Variants in DNAH14 observed in about 807,000 individuals in gnomAD.
The protein encoded by DNAH14 is dynein axonemal heavy chain 14.
In DNAH14, 478 loss-of-function variants were observed where a neutral mutation model predicts 520.9. That is an observed-to-expected ratio of 0.92 (90% confidence interval 0.85 to 0.99). DNAH14 has a LOEUF of 0.99. Among genes scored for constraint, DNAH14 ranks in the 50% least tolerant of loss-of-function variants. The probability of loss-of-function intolerance (pLI) is 0.00; values close to 1 mark genes in which losing one functional copy is unlikely to be tolerated. For synonymous variants in DNAH14, 1,581 were observed against 1,757.2 expected (o/e 0.90, Z 2.51); for missense variants, 4,831 against 5,234.5 (o/e 0.92, Z 2.38).
At chr1:225,236,470 A>G (rs1341026016) in intron 42 of DNAH14, among the ~76,000 whole-genome samples, 1 of 152,174 alleles carries the variant, frequency 6.6e-6, no homozygotes, top group African/African-American at 2.4e-5. Context: ...AGTAAGCACC[A>G]TGTGGTAATG....
intron 44 of DNAH14, among the ~76,000 whole-genome samples, chr1:225,256,197 T>A (rs777631934): frequency 1.2e-4 from 19 of 152,266 alleles, no homozygotes; most frequent in Non-Finnish European, 2.1e-4. Context: ...TACAAAACAA[T>A]GTGTAAAAAT....
At chr1:225,335,946 T>G (rs1393354126) in intron 66 of DNAH14, among the ~76,000 whole-genome samples, 1 of 120,562 alleles carries the variant, frequency 8.3e-6, no homozygotes, top group Non-Finnish European at 1.9e-5. Flanking sequence ...TATACATATA[T>G]GTATATATAC....
rs968634872 is a variant in DNAH14 at position 225,258,101 on chromosome 1, G to A, written c.7007G>A (p.Cys2336Tyr). 1 of 1,532,096 alleles carries A rather than the reference G, an allele frequency of 6.5e-7. No individual in the cohort carries two copies. The highest frequency in any genetic ancestry group is 8.8e-7 in the Non-Finnish European group (1 of 1,141,448). The allele number at this position is 1,532,096 out of a possible 1,614,324, so 94.9% of individuals were successfully genotyped here. ...ATGAGCCTTCTTTTAAAGAATTCCT[G>A]CCCTGTACTTCTCACAGGTATTACA... The part of the protein sequence containing the change: ...FLMSLLLKNS[C>Y]PVLLTGESGV... The change falls in exon 45 of 86, where the codon TGC becomes TAC. Residue 2336 changes from cysteine (C) to tyrosine (Y), a missense_variant. Physicochemically the swap from Cys to Tyr is radical, Grantham distance 194. Transcript: ENST00000682510.
chr1:225,342,396 G>A (rs1275757138), intron 69 of DNAH14, among the ~76,000 whole-genome samples: 2 of 151,990 alleles, frequency 1.3e-5, no homozygotes, highest in East Asian at 3.9e-4. Flanking sequence ...GAAAGTGGAA[G>A]GAAACCTGAG....
At chr1:225,266,807 T>C in intron 49 of DNAH14, 38 bp downstream of exon 49, 1 of 1,433,268 alleles carries the variant, frequency 7.0e-7, no homozygotes. Context: ...CATTAAGTAT[T>C]ATTTCTCACA....
rs182002348 is a variant in DNAH14, at chr1:225,056,276, C to G, written c.2424+4481C>G. Among the ~76,000 whole-genome samples, 178 of 152,322 alleles carry G rather than the reference C, an allele frequency of 1.2e-3. 1 individual carries two copies. The highest frequency in any genetic ancestry group is 1.4e-3 in the Non-Finnish European group (95 of 68,040). Reference sequence around the variant, plus strand: ...CATTGTGGTTTAGATTTGCATTTCTCTGAAGGCCAGTGATGATGAGCATTT... The same window carrying G: ...CATTGTGGTTTAGATTTGCATTTCTGTGAAGGCCAGTGATGATGAGCATTT... On this transcript the variant is annotated intron_variant, in intron 17 of 85. Coordinates refer to ENST00000682510, the MANE Select transcript of DNAH14 (RefSeq NM_001367479.1).
intron 23 of DNAH14, among the ~76,000 whole-genome samples, chr1:225,115,991 A>G (rs140139968): frequency 1.1e-3 from 165 of 152,354 alleles, no homozygotes; most frequent in Non-Finnish European, 1.8e-3. Context: ...CCTGTAGGCA[A>G]TGATAACTGG....
At chr1:225,162,973 C>A (rs991489921) in intron 35 of DNAH14, among the ~76,000 whole-genome samples, 1 of 151,438 alleles carries the variant, frequency 6.6e-6, no homozygotes, top group Non-Finnish European at 1.5e-5. Flanking sequence ...CTTGTCTATA[C>A]TAAAAATACA....
intron 23 of DNAH14, among the ~76,000 whole-genome samples, chr1:225,106,580 T>C (rs2076067457): frequency 6.6e-6 from 1 of 152,208 alleles, no homozygotes; most frequent in Non-Finnish European, 1.5e-5. Flanking sequence ...TTGTCGTTTC[T>C]TTTTATTCTT....
At chr1:224,953,567 A>G (rs1280530392) in intron 2 of DNAH14, among the ~76,000 whole-genome samples, 1 of 152,208 alleles carries the variant, frequency 6.6e-6, no homozygotes, top group Non-Finnish European at 1.5e-5. Flanking sequence ...TAAAGCTATC[A>G]TAACTAAGAA....
At chr1:225,294,935 A>G (rs2150028868) in intron 55 of DNAH14, among the ~76,000 whole-genome samples, 1 of 151,766 alleles carries the variant, frequency 6.6e-6, no homozygotes, top group East Asian at 1.9e-4. Context: ...TTACTGATCA[A>G]TCTTGTTACT....
At chr1:225,303,463 C>A in intron 57 of DNAH14, 116 bp downstream of exon 57, 1 of 830,004 alleles carries the variant, frequency 1.2e-6, no homozygotes, top group Non-Finnish European at 1.8e-6. Context: ...AGCTAATTTA[C>A]AATAAAATGG....
chr1:225,023,710 A>G lies in DNAH14; in HGVS notation c.1203A>G (p.Leu401=), dbSNP rs1222228920. The part of the protein sequence containing the change: ...HFKLPKYRRL[L]ETFFKFVMLV... ...AGCTGCCTAAATATAGACGTTTATT[A>G]GAAACATTTTTCAAGTTTGTAATGC... The change falls in exon 11 of 86, where the codon TTA becomes TTG. Residue 401 remains leucine, a synonymous_variant. Transcript: ENST00000682510. The G allele has an allele frequency of 1.0e-5, 16 of 1,550,790 alleles. No individual in the cohort carries two copies. The highest frequency in any genetic ancestry group is 2.0e-5 in the Admixed American group (1 of 50,946).
intron 17 of DNAH14, among the ~76,000 whole-genome samples, chr1:225,055,959 A>G (rs1381245801): frequency 6.6e-6 from 1 of 151,958 alleles, no homozygotes; most frequent in Admixed American, 6.6e-5. Context: ...GCTTAGTTCC[A>G]AGTCTTTGCT....
chr1:225,274,678 T>C (rs1023756657), intron 52 of DNAH14, among the ~76,000 whole-genome samples: 15 of 152,206 alleles, frequency 9.9e-5, no homozygotes, highest in African/African-American at 3.4e-4. Flanking sequence ...GAAATAGATA[T>C]AGAGGCAGTA....
intron 73 of DNAH14, among the ~76,000 whole-genome samples, chr1:225,355,144 C>T (rs2095415692): frequency 6.6e-6 from 1 of 152,190 alleles, no homozygotes; most frequent in Non-Finnish European, 1.5e-5. Flanking sequence ...CTGCTCACCA[C>T]TCTGGAGGCT....
intron 38 of DNAH14, among the ~76,000 whole-genome samples, chr1:225,196,876 C>T (rs2086207811): frequency 6.6e-6 from 1 of 151,200 alleles, no homozygotes. Context: ...TTTTTTCTTG[C>T]TAATTTGATG....
intron 21 of DNAH14, 113 bp from the exon 22 acceptor site, chr1:225,097,005 T>C: frequency 1.1e-6 from 1 of 889,468 alleles, no homozygotes; most frequent in South Asian, 3.1e-5. Context: ...CTATTAATTA[T>C]TTTCTGTATG....
At chr1:225,131,118 T>C (rs925449004) in intron 27 of DNAH14, among the ~76,000 whole-genome samples, 1 of 152,210 alleles carries the variant, frequency 6.6e-6, no homozygotes, top group African/African-American at 2.4e-5. Flanking sequence ...TCAACTTCAC[T>C]ATAGTTTTGA....
Sources: gnomAD v4.1 joint callset for allele counts (sites outside exome capture counted in the v4.1 genomes callset) on GRCh38, gnomAD v4.1.1 for gene constraint, MANE v1.5 for transcripts, NCBI Gene and HGNC (gene_info 2026-07-23, HGNC 2026-07-21) for gene names.